Variants in C1orf87 observed in about 807,000 individuals in gnomAD.
C1orf87 encodes chromosome 1 open reading frame 87, also known as uncharacterized protein C1orf87.
Under a neutral mutation model 60.5 loss-of-function variants are expected in C1orf87, and 58 were observed. The ratio of observed to expected loss-of-function variants is 0.96; its 90% CI spans 0.78 to 1.19. C1orf87 has a LOEUF of 1.19. Ranked by LOEUF, C1orf87 falls within the 50% of genes most tolerant of loss-of-function variation. The pLI, the probability that C1orf87 is intolerant of heterozygous loss-of-function variation, is 0.00. For missense variants in C1orf87, 673 were observed against 638.6 expected, an observed-to-expected ratio of 1.05 and a Z score of -0.58; for synonymous variants, 236 against 227.4, an observed-to-expected ratio of 1.04 and a Z score of -0.34.
At chr1:60,022,336 G>C (rs654145) in intron 8 of C1orf87, among the ~76,000 whole-genome samples, 2 of 151,648 alleles carry the variant, frequency 1.3e-5, no homozygotes, top group Non-Finnish European at 2.9e-5. Context: ...TAACAATAGA[G>C]GGGGTGACAG....
intron 8 of C1orf87, among the ~76,000 whole-genome samples, chr1:60,016,002 C>T (rs552865363): frequency 3.8e-4 from 58 of 152,224 alleles, no homozygotes; most frequent in African/African-American, 1.3e-3. Flanking sequence ...CCTCCCACCT[C>T]GGCCTCCCAA....
intron 2 of C1orf87, among the ~76,000 whole-genome samples, chr1:60,065,517 T>C (rs1269619475): frequency 2.0e-5 from 3 of 152,132 alleles, no homozygotes; most frequent in Non-Finnish European, 4.4e-5. Context: ...TATTTTTCCT[T>C]ATTGCACTAT....
intron 11 of C1orf87, among the ~76,000 whole-genome samples, chr1:59,992,980 A>T (rs1455664379): frequency 6.6e-6 from 1 of 152,094 alleles, no homozygotes; most frequent in African/African-American, 2.4e-5. Context: ...TCTGGATAGG[A>T]TGGCTGCTCT....
chr1:60,025,811 C>A (rs1645194875), intron 7 of C1orf87, among the ~76,000 whole-genome samples: 1 of 152,104 alleles, frequency 6.6e-6, no homozygotes, highest in Non-Finnish European at 1.5e-5. Flanking sequence ...GTAGTCAATG[C>A]CTATGTATTA....
chr1:60,033,455 C>G (rs775777030), intron 7 of C1orf87, 21 bp downstream of exon 7: 14 of 1,608,400 alleles, frequency 8.7e-6, no homozygotes, highest in Middle Eastern at 3.3e-4. Context: ...AGGAACAAAT[C>G]TGAAATTGAA....
chr1:60,020,678 A>G (rs911373202), intron 8 of C1orf87, among the ~76,000 whole-genome samples: 1 of 152,090 alleles, frequency 6.6e-6, no homozygotes, highest in African/African-American at 2.4e-5. Context: ...GAAGTAAGTG[A>G]CTTGTTTTTG....
chr1:59,993,754 T>A (rs1283084297), intron 11 of C1orf87, among the ~76,000 whole-genome samples: 3 of 144,950 alleles, frequency 2.1e-5, no homozygotes, highest in Non-Finnish European at 4.6e-5. Context: ...ATAATAAGAA[T>A]CCTTTTTTTT....
At chr1:59,992,680 G>A (rs1557452240) in intron 11 of C1orf87, among the ~76,000 whole-genome samples, 1 of 152,152 alleles carries the variant, frequency 6.6e-6, no homozygotes, top group Non-Finnish European at 1.5e-5. Flanking sequence ...TTGGGCAATG[G>A]TAGATACTTA....
At chr1:60,028,016 A>G (rs2100279674) in intron 7 of C1orf87, among the ~76,000 whole-genome samples, 1 of 152,260 alleles carries the variant, frequency 6.6e-6, no homozygotes, top group East Asian at 1.9e-4. Context: ...AGAGTATTGA[A>G]AAATAAAGGA....
chr1:60,005,166 A>G (rs1645035221), intron 9 of C1orf87, among the ~76,000 whole-genome samples: 2 of 152,102 alleles, frequency 1.3e-5, no homozygotes, highest in African/African-American at 2.4e-5. Flanking sequence ...ACATTTCCAC[A>G]TCATCTAAAG....
intron 8 of C1orf87, among the ~76,000 whole-genome samples, chr1:60,022,258 G>T (rs1270223921): frequency 6.6e-6 from 1 of 152,032 alleles, no homozygotes; most frequent in East Asian, 2.0e-4. Context: ...TAGAAACAGA[G>T]TTCAGTTAGG....
chr1:60,073,177 G>A (rs778269257), intron 1 of C1orf87, among the ~76,000 whole-genome samples: 1 of 152,212 alleles, frequency 6.6e-6, no homozygotes, highest in Non-Finnish European at 1.5e-5. Flanking sequence ...TCTGAAGGGA[G>A]ACTGTACACA....
chr1:60,011,595 C>T (rs1319017311), intron 8 of C1orf87, among the ~76,000 whole-genome samples: 1 of 152,072 alleles, frequency 6.6e-6, no homozygotes, highest in Non-Finnish European at 1.5e-5. Flanking sequence ...CTGTTGCTAG[C>T]AACCAAACCT....
intron 11 of C1orf87, among the ~76,000 whole-genome samples, chr1:59,995,016 G>T (rs980821749): frequency 1.3e-5 from 2 of 152,132 alleles, no homozygotes; most frequent in Non-Finnish European, 2.9e-5. Context: ...AGGAACTAAT[G>T]AATTTCATGG....
At chr1:60,029,861 C>G (rs1003572267) in intron 7 of C1orf87, among the ~76,000 whole-genome samples, 8 of 151,862 alleles carry the variant, frequency 5.3e-5, no homozygotes, top group Non-Finnish European at 2.9e-5. Flanking sequence ...GGATGGTCTC[C>G]ATCTGTTGAC....
Position 60,020,644 on chromosome 1 carries a change from T to C in C1orf87, c.1127+4757A>G, listed in dbSNP as rs138990692. Among the ~76,000 whole-genome samples the C allele has an allele frequency of 5.3e-5, 8 of 152,336 alleles. No individual in the cohort carries two copies. The East Asian group carries it at 1.5e-3, about 29-fold the overall frequency. ...TTTTGGAATGGGAGCATTTACCCAA[T>C]GCCTGTACTCCCACTGTATCTTGGA... On this transcript the variant is annotated intron_variant, in intron 8 of 11. Transcript: ENST00000371201.
At position 60,072,613 on chromosome 1, in the gene C1orf87, A is replaced by G; in HGVS notation, c.31T>C (p.Ser11Pro). The change falls in exon 2 of 12, where the codon TCA becomes CCA. Residue 11 changes from serine to proline, a missense_variant. Coordinates refer to ENST00000371201, the MANE Select transcript of C1orf87 (RefSeq NM_152377.3). MSSAWKTPRG[S>P]DAMPEIMVKI... The stretch of plus-strand genomic sequence containing the variant: ...ACCATGATCTCAGGCATTGCATCTG[A>G]TCCACGGGGAGTCTTCCAGGCTGAA... 6.2e-7 allele frequency: 1 copy of G among 1,612,940 alleles called. No individual in the cohort carries two copies. Among genetic ancestry groups the G allele is most frequent in the Non-Finnish European group, 8.5e-7 (1 of 1,179,858 alleles).
intron 3 of C1orf87, among the ~76,000 whole-genome samples, chr1:60,044,847 C>T (rs1002287816): frequency 1.3e-5 from 2 of 152,142 alleles, no homozygotes; most frequent in East Asian, 3.8e-4. Flanking sequence ...TAACAAAATA[C>T]CGCTTGGGGA....
At chr1:60,052,967 C>G (rs893298081) in intron 3 of C1orf87, among the ~76,000 whole-genome samples, 1 of 152,186 alleles carries the variant, frequency 6.6e-6, no homozygotes, top group Non-Finnish European at 1.5e-5. Flanking sequence ...AGAGTGTTAG[C>G]CCCCGCTGAG....
Sources: allele counts gnomAD v4.1 joint callset (sites outside exome capture counted in the v4.1 genomes callset), GRCh38; gene constraint gnomAD v4.1.1; transcripts MANE v1.5; gene names NCBI Gene and HGNC (gene_info 2026-07-23, HGNC 2026-07-21).